Variants in ZPBP observed in about 807,000 individuals in gnomAD.
The protein encoded by ZPBP is zona pellucida binding protein.
ZPBP carries 26 observed loss-of-function variants against 44.8 expected under a neutral mutation model. That is an observed-to-expected ratio of 0.58 (90% confidence interval 0.43 to 0.81). The LOEUF (loss-of-function observed/expected upper bound fraction) is 0.81, where lower values mean the gene tolerates loss of function less well. Ranked by LOEUF, ZPBP falls within the 30% of genes least tolerant of loss-of-function variation. ZPBP has a pLI of 0.00. For synonymous variants in ZPBP, 174 were observed against 153.2 expected, an observed-to-expected ratio of 1.14 and a Z score of -1.00; for missense variants, 409 against 434.0, an observed-to-expected ratio of 0.94 and a Z score of 0.51.
intron 5 of ZPBP, among the ~76,000 whole-genome samples, chr7:50,025,896 G>GTGGTTTAAT (rs2128809246): frequency 6.6e-6 from 1 of 151,958 alleles, no homozygotes; most frequent in Non-Finnish European, 1.5e-5. Flanking sequence ...TCAAATATAA[G>GTGGTTTAAT]TGGTTTAATT....
chr7:49,923,732 A>G (rs749001067), intron 1 of ZPBP, among the ~76,000 whole-genome samples: 3 of 152,120 alleles, frequency 2.0e-5, no homozygotes, highest in Non-Finnish European at 4.4e-5. Context: ...CTGCCTGAAG[A>G]ATACTCTTTA....
intron 1 of ZPBP, among the ~76,000 whole-genome samples, chr7:49,932,179 T>A (rs1794470556): frequency 6.6e-6 from 1 of 152,198 alleles, no homozygotes; most frequent in South Asian, 2.1e-4. Flanking sequence ...CATGGAGTCC[T>A]CACTGGGGTA....
chr7:49,920,597 C>T (rs891944360), intron 1 of ZPBP: 15 of 152,224 alleles, frequency 9.9e-5, no homozygotes, highest in African/African-American at 2.9e-4. Context: ...TCTGCTTGGC[C>T]GAGTTTGCTA....
intron 7 of ZPBP, among the ~76,000 whole-genome samples, chr7:49,965,932 C>A (rs529581649): frequency 2.0e-5 from 3 of 152,054 alleles, no homozygotes; most frequent in East Asian, 3.9e-4. Context: ...ACAACTGAGA[C>A]ATACCATGAT....
chr7:50,031,184 A>T lies in ZPBP; in HGVS notation c.614T>A (p.Leu205His). 6.2e-7 allele frequency: 1 copy of T among 1,613,760 alleles called. No individual in the cohort carries two copies. The highest frequency in any genetic ancestry group is 1.1e-5 in the South Asian group (1 of 91,066). The change falls in exon 5 of 8, where the codon CTT becomes CAT. Residue 205 changes from leucine (L) to histidine (H), a missense_variant. Leu to His is a moderately conservative substitution (Grantham distance 99). Around this residue, in one of 2 missense-constraint regions of ZPBP, gnomAD observed 367 missense variants for 363.1 expected, o/e 1.01. Transcript: ENST00000046087. Reference sequence around the variant, plus strand: ...CTTAAGTAAGGAAATTTCACATGAAAGGTCAAGAAGCAGTTTGCTTAAAAT... The same window carrying T: ...CTTAAGTAAGGAAATTTCACATGAATGGTCAAGAAGCAGTTTGCTTAAAAT... Reference protein sequence around the residue: ...LQILSKLLLDLSCEISLLKSE... With the variant: ...LQILSKLLLDHSCEISLLKSE...
At chr7:50,069,408 G>A (rs983052392) in intron 3 of ZPBP, among the ~76,000 whole-genome samples, 4 of 152,190 alleles carry the variant, frequency 2.6e-5, no homozygotes, top group East Asian at 3.9e-4. Flanking sequence ...TTCTCTTGGC[G>A]TGAGCTGCAA....
chr7:50,079,433 A>C (rs1486242229), intron 3 of ZPBP, among the ~76,000 whole-genome samples: 1 of 151,622 alleles, frequency 6.6e-6, no homozygotes, highest in Non-Finnish European at 1.5e-5. Context: ...TGTGCTAAGT[A>C]AAATAAGGCA....
At chr7:49,857,009 C>CAAAAAAAAAAAAAAA (rs59910243) in intron 2 of ZPBP, among the ~76,000 whole-genome samples, 16 of 52,786 alleles carry the variant, frequency 3.0e-4, no homozygotes, top group Admixed American at 2.3e-3. Flanking sequence ...GATACTGTCT[C>CAAAAAAAAAAAAAAA]AAAAAAAAAA....
intron 2 of ZPBP, among the ~76,000 whole-genome samples, chr7:49,863,618 G>T (rs777573480): frequency 6.6e-5 from 10 of 151,870 alleles, no homozygotes; most frequent in Non-Finnish European, 1.2e-4. Flanking sequence ...TTTGTGTAGA[G>T]AAGGGGTCTT....
chr7:49,957,011 A>C (rs1439100649), intron 7 of ZPBP, among the ~76,000 whole-genome samples: 5 of 152,196 alleles, frequency 3.3e-5, no homozygotes, highest in African/African-American at 1.2e-4. Context: ...AGAGGTGATT[A>C]GACCATGAGG....
intron 5 of ZPBP, among the ~76,000 whole-genome samples, chr7:50,029,296 T>A (rs1799485141): frequency 6.6e-6 from 1 of 152,160 alleles, no homozygotes; most frequent in Non-Finnish European, 1.5e-5. Context: ...AAATATGAAG[T>A]ATAAGGTTGA....
intron 6 of ZPBP, among the ~76,000 whole-genome samples, chr7:50,012,943 G>C (rs541288360): frequency 2.6e-5 from 4 of 151,884 alleles, no homozygotes; most frequent in Admixed American, 2.0e-4. Context: ...TAGCAAGGTG[G>C]CATGATACAA....
intron 7 of ZPBP, among the ~76,000 whole-genome samples, chr7:49,982,309 T>TTATATAATA (rs1562821519): frequency 5.7e-5 from 1 of 17,428 alleles, no homozygotes; most frequent in Non-Finnish European, 8.7e-5. Flanking sequence ...TAATATATAA[T>TTATATAATA]TATATAATAT....
chr7:49,872,536 A>T (rs80293334), intron 2 of ZPBP, among the ~76,000 whole-genome samples: 4,212 of 152,154 alleles, frequency 0.028, 163 homozygotes, highest in South Asian at 0.13. Flanking sequence ...TGAAAATTTT[A>T]AGATACACAA....
At chr7:50,081,575 T>TA (rs1174814959) in intron 3 of ZPBP, among the ~76,000 whole-genome samples, 199 bp downstream of exon 3, 1 of 151,846 alleles carries the variant, frequency 6.6e-6, no homozygotes, top group Non-Finnish European at 1.5e-5. Context: ...AGTTCATTCT[T>TA]AGAGTATGTC....
chr7:50,053,008 A>G (rs755380352), intron 4 of ZPBP, among the ~76,000 whole-genome samples: 1 of 152,196 alleles, frequency 6.6e-6, no homozygotes, highest in Non-Finnish European at 1.5e-5. Context: ...ACTGCTCTGT[A>G]TCTTGTCTAT....
intron 6 of ZPBP, among the ~76,000 whole-genome samples, chr7:49,998,356 C>A (rs964694017): frequency 1.3e-5 from 2 of 152,206 alleles, no homozygotes; most frequent in Non-Finnish European, 2.9e-5. Flanking sequence ...CGCTTCAGGG[C>A]ACACCTGGAA....
At chr7:49,989,567 TAACA>T (rs1797469569) in intron 6 of ZPBP, among the ~76,000 whole-genome samples, 3 of 152,194 alleles carry the variant, frequency 2.0e-5, no homozygotes, top group Non-Finnish European at 1.5e-5. Flanking sequence ...GATTTGTTTT[TAACA>T]AAAATGAGGA....
At chr7:49,894,352 T>G (rs758867866) in intron 2 of ZPBP, among the ~76,000 whole-genome samples, 1 of 152,106 alleles carries the variant, frequency 6.6e-6, no homozygotes, top group Non-Finnish European at 1.5e-5. Context: ...GACGGGGTTT[T>G]GAACACCTGG....
Sources: gnomAD v4.1 joint callset for allele counts (sites outside exome capture counted in the v4.1 genomes callset) on GRCh38, gnomAD v4.1.1 for gene constraint, gnomAD v4.1.1 regional missense constraint, MANE v1.5 for transcripts, NCBI Gene and HGNC (gene_info 2026-07-23, HGNC 2026-07-21) for gene names.